DNM3: variants seen among roughly 807,000 people sequenced by gnomAD.
DNM3 encodes dynamin-3.
Under a neutral mutation model 101.6 loss-of-function variants are expected in DNM3, and 47 were observed. That is an observed-to-expected ratio of 0.46 (90% CI 0.37 to 0.59). The LOEUF (loss-of-function observed/expected upper bound fraction) is 0.59. Among genes scored for constraint, DNM3 ranks in the 20% least tolerant of loss-of-function variants. The pLI is 0.00. For synonymous variants in DNM3, 385 were observed against 387.9 expected (o/e 0.99, Z 0.09); for missense variants, 849 against 1,085.7 (o/e 0.78, Z 3.06).
intron 2 of DNM3, among the ~76,000 whole-genome samples, chr1:171,931,149 AATT>A (rs916556315): frequency 6.6e-6 from 1 of 152,202 alleles, no homozygotes; most frequent in African/African-American, 2.4e-5. Flanking sequence ...TGTTGAAAGA[AATT>A]AGAGAAGATC....
At chr1:172,187,564 C>T (rs748161508) in intron 14 of DNM3, among the ~76,000 whole-genome samples, 1 of 151,908 alleles carries the variant, frequency 6.6e-6, no homozygotes, top group African/African-American at 2.4e-5. Context: ...TTCAATGAGA[C>T]TATATTTTCT....
In DNM3 at chr1:172,257,815, T is replaced by C. The variant is rs138815455; in HGVS notation, c.1769+4133T>C. On this transcript the variant is annotated intron_variant, in intron 15 of 20. Coordinates refer to ENST00000627582, the MANE Select transcript of DNM3 (RefSeq NM_015569.5). ...TGAACATTAGAATTTATTCCTTCTA[T>C]CTAACTGTATGTTTGTACCCATTAG... Among the ~76,000 whole-genome samples the C allele has an allele frequency of 3.4e-3, 518 of 151,932 alleles. 3 individuals are homozygous for C. Among genetic ancestry groups the C allele is most frequent in the African/African-American group, 0.011 (472 of 41,476 alleles).
intron 1 of DNM3, among the ~76,000 whole-genome samples, chr1:171,907,875 A>G (rs1404226088): frequency 6.6e-6 from 1 of 152,198 alleles, no homozygotes; most frequent in Admixed American, 6.5e-5. Flanking sequence ...AATGATAACT[A>G]CTTTTTCATG....
intron 14 of DNM3, among the ~76,000 whole-genome samples, chr1:172,132,201 C>T (rs1241048548): frequency 1.3e-5 from 2 of 152,138 alleles, no homozygotes; most frequent in Non-Finnish European, 2.9e-5. Context: ...CTATCTTGGC[C>T]TGACATCTTT....
At chr1:172,113,672 C>T (rs758667747) in intron 13 of DNM3, among the ~76,000 whole-genome samples, 7 of 138,882 alleles carry the variant, frequency 5.0e-5, no homozygotes, top group South Asian at 4.7e-4. Context: ...GTTTTCTTAA[C>T]GTAAATTTTT....
chr1:172,396,526 T>C (rs1558088747), intron 20 of DNM3, among the ~76,000 whole-genome samples: 1 of 152,180 alleles, frequency 6.6e-6, no homozygotes, highest in Non-Finnish European at 1.5e-5. Context: ...AGAGAGAGAA[T>C]AAGCTAAAAG....
chr1:172,239,043 T>C (rs1434940219), intron 14 of DNM3, among the ~76,000 whole-genome samples: 4 of 152,108 alleles, frequency 2.6e-5, no homozygotes. Context: ...GGGGAAGAAA[T>C]AAGTACCCCC....
intron 10 of DNM3, among the ~76,000 whole-genome samples, chr1:172,053,546 A>G (rs993062428): frequency 6.6e-6 from 1 of 152,132 alleles, no homozygotes; most frequent in Non-Finnish European, 1.5e-5. Flanking sequence ...CTCCTTTGAA[A>G]AAAAAGGCGC....
intron 17 of DNM3, chr1:172,376,456 T>C (rs539157699): frequency 2.0e-5 from 3 of 152,196 alleles, no homozygotes; most frequent in South Asian, 4.1e-4. Context: ...AGAAAAAATA[T>C]AGTCATACAC....
chr1:171,987,522 A>G (rs2045345833), intron 2 of DNM3, 134 bp from the exon 3 acceptor site: 4 of 969,278 alleles, frequency 4.1e-6, no homozygotes, highest in Non-Finnish European at 5.9e-6. Flanking sequence ...CTTAGTAACT[A>G]CTGTGTTCTG....
intron 17 of DNM3, among the ~76,000 whole-genome samples, chr1:172,352,551 T>C (rs1428560772): frequency 6.6e-6 from 1 of 152,180 alleles, no homozygotes; most frequent in Non-Finnish European, 1.5e-5. Flanking sequence ...ATTGAGCTAC[T>C]GAGCACCTTA....
chr1:171,904,889 C>CTAGATTTAGGGGAGAATATTAAA (rs1558242793), intron 1 of DNM3, among the ~76,000 whole-genome samples: 1 of 152,138 alleles, frequency 6.6e-6, no homozygotes, highest in African/African-American at 2.4e-5. Flanking sequence ...TCAACAGAAC[C>CTAGATTTAGGGGAGAATATTAAA]ACGGGGTTTA....
chr1:172,077,303 T>C (rs1406637347), intron 11 of DNM3, among the ~76,000 whole-genome samples: 1 of 152,210 alleles, frequency 6.6e-6, no homozygotes, highest in African/African-American at 2.4e-5. Flanking sequence ...GGGGTTTTCG[T>C]GTCTCTGTCT....
chr1:172,032,523 AGACTTTTTT>A, intron 5 of DNM3, 23 bp downstream of exon 5: 2 of 1,018,512 alleles, frequency 2.0e-6, no homozygotes, highest in Non-Finnish European at 1.4e-6. Flanking sequence ...GGTCTATACA[AGACTTTTTT>A]TTTTTTTTTT....
At chr1:171,938,456 A>G (rs968419011) in intron 2 of DNM3, among the ~76,000 whole-genome samples, 3 of 152,222 alleles carry the variant, frequency 2.0e-5, no homozygotes, top group African/African-American at 7.2e-5. Context: ...GTTCTCAAGC[A>G]CATAATTTTA....
Position 171,841,694 on chromosome 1 carries a change from T to C in DNM3, c.38T>C (p.Val13Ala). The C allele has an allele frequency of 6.2e-7, 1 of 1,611,968 alleles. No individual in the cohort carries two copies. Among genetic ancestry groups the C allele is most frequent in the Non-Finnish European group, 8.5e-7 (1 of 1,179,376 alleles). ...GAGATGGAGGAGCTGATCCCGCTGG[T>C]GAACCGTCTGCAGGACGCGTTTTCG... ...NREMEELIPL[V>A]NRLQDAFSAL... is the part of the protein sequence containing the mutation. Residue 13 changes from valine (V) to alanine (A), a missense_variant, in exon 1 of 21, where the codon GTG becomes GCG. By Grantham distance (64) the Val-to-Ala change is moderately conservative. This residue lies in a region of DNM3 where 388 missense variants were observed against 483.0 expected (regional missense o/e 0.80). Transcript: ENST00000627582.
chr1:172,203,322 C>G (rs1277839531), intron 14 of DNM3, among the ~76,000 whole-genome samples: 1 of 152,122 alleles, frequency 6.6e-6, no homozygotes, highest in African/African-American at 2.4e-5. Flanking sequence ...ATTGGTGTTG[C>G]ATTTCATTGA....
intron 2 of DNM3, among the ~76,000 whole-genome samples, chr1:171,975,065 C>T (rs2044274393): frequency 6.6e-6 from 1 of 152,018 alleles, no homozygotes; most frequent in African/African-American, 2.4e-5. Context: ...CTATATTGCC[C>T]ATGCTGGTCT....
Position 172,334,051 on chromosome 1 carries a change from T to C in DNM3, c.1893+10711T>C, listed in dbSNP as rs77378240. On this transcript the variant is annotated intron_variant, in intron 17 of 20. Transcript: ENST00000627582. The stretch of plus-strand genomic sequence containing the variant: ...CTTAACTAAAGATCAAAGAGCAAAA[T>C]AGAGCCTTAAGAAAGGATCAGCTTT... Among the ~76,000 whole-genome samples, 276 of 152,256 alleles carry C rather than the reference T, an allele frequency of 1.8e-3. 1 individual carries two copies. Among genetic ancestry groups the C allele is most frequent in the African/African-American group, 6.4e-3 (265 of 41,562 alleles).
Sources: gnomAD v4.1 joint callset for allele counts (sites outside exome capture counted in the v4.1 genomes callset) on GRCh38, gnomAD v4.1.1 for gene constraint, gnomAD v4.1.1 regional missense constraint, MANE v1.5 for transcripts, NCBI Gene and HGNC (gene_info 2026-07-23, HGNC 2026-07-21) for gene names.